Variants in PCM1 observed in about 807,000 individuals in gnomAD.
The protein encoded by PCM1 is pericentriolar material 1, also known as pericentriolar material 1 protein.
Under a neutral mutation model 241.9 loss-of-function variants are expected in PCM1, and 157 were observed. That is an observed-to-expected ratio of 0.65 (90% CI 0.57 to 0.74). The LOEUF (loss-of-function observed/expected upper bound fraction) is 0.74, where lower values mean the gene tolerates loss of function less well. Ranked by LOEUF, PCM1 falls within the 30% of genes least tolerant of loss-of-function variation. The pLI is 0.00. For missense variants in PCM1, 3,478 were observed against 2,360.1 expected (o/e 1.47, Z -9.81); for synonymous variants, 1,085 against 784.9 (o/e 1.38, Z -6.39).
rs71545503 is a variant in PCM1 at position 17,992,610 on chromosome 8, CT to C, written c.4691-853del. On this transcript the variant is annotated intron_variant, in intron 28 of 38. Transcript: ENST00000325083. ...CTATATCCTTAGCCTACTACTACTA[CT>C]TTTTTTTTTTTTTTTTTTTAATTTG... 8.4e-3 allele frequency among the ~76,000 whole-genome samples: 1,082 copies of C among 128,438 alleles called. 11 individuals are homozygous for C. Among genetic ancestry groups the C allele is most frequent in the African/African-American group, 0.022 (766 of 34,692 alleles). 84.3% of individuals were successfully genotyped at this position (128,438 alleles called of 152,430 possible).
Position 17,998,696 on chromosome 8 carries a change from G to A in PCM1, c.4827+5077G>A, listed in dbSNP as rs563032227. Among the ~76,000 whole-genome samples, 104 of 152,226 alleles carry A rather than the reference G, an allele frequency of 6.8e-4. 1 individual carries two copies. Among genetic ancestry groups the A allele is most frequent in the African/African-American group, 2.4e-3 (99 of 41,530 alleles). On this transcript the variant is annotated intron_variant, in intron 29 of 38. Coordinates refer to ENST00000325083, the MANE Select transcript of PCM1 (RefSeq NM_006197.4). ...CTACCGCCTAAATTTGCCTAAATTC[G>A]CTCAAGGCCCTAGGGTTCCTACTAT...
Position 18,019,594 on chromosome 8 carries a change from C to T in PCM1, c.5841+4754C>T, listed in dbSNP as rs116742541. ...GACACAGCATCAGGCATTAGAGTCT[C>T]ATAAGGAGCACGCAACCTAGATCTC... On this transcript the variant is annotated intron_variant, in intron 36 of 38. Transcript: ENST00000325083. Among the ~76,000 whole-genome samples the T allele has an allele frequency of 8.3e-3, 1,270 of 152,262 alleles. 11 individuals carry two copies. The highest frequency in any genetic ancestry group is 0.029 in the African/African-American group (1,210 of 41,556).
Position 18,013,957 on chromosome 8 carries a change from C to A in PCM1, c.5512-7C>A. The stretch of plus-strand genomic sequence containing the variant: ...GGCCCTGCTATTAAAACATTTTTCC[C>A]TTCTAGGTCCTACAACGTGACTTTA... On this transcript the variant is annotated splice_polypyrimidine_tract_variant and splice_region_variant and intron_variant, in intron 34 of 38. Transcript: ENST00000325083. 1 of 1,580,776 alleles carries A rather than the reference C, an allele frequency of 6.3e-7. No homozygotes were observed. Among genetic ancestry groups the A allele is most frequent in the Admixed American group, 1.8e-5 (1 of 56,924 alleles).
intron 29 of PCM1, among the ~76,000 whole-genome samples, chr8:17,996,493 T>G (rs544189219): frequency 6.6e-6 from 1 of 152,322 alleles, no homozygotes; most frequent in East Asian, 1.9e-4. Context: ...TTGTCTTTTT[T>G]TCTTAGTCTG....
chr8:18,013,649 C>T (rs994735949), intron 34 of PCM1, among the ~76,000 whole-genome samples: 9 of 152,128 alleles, frequency 5.9e-5, no homozygotes, highest in African/African-American at 1.9e-4. Context: ...ATCTTCCTCT[C>T]GTCACTTCCT....
chr8:17,964,523 A>G (rs749508463), intron 17 of PCM1, 45 bp from the exon 18 acceptor site: 50 of 1,467,358 alleles, frequency 3.4e-5, no homozygotes, highest in Non-Finnish European at 8.5e-6. Context: ...AGAGTATTTA[A>G]CTTATCTCCA....
chr8:17,945,001 T>C (rs962169021), intron 6 of PCM1, among the ~76,000 whole-genome samples: 16 of 152,258 alleles, frequency 1.1e-4, no homozygotes, highest in African/African-American at 3.6e-4. Flanking sequence ...TTTCTCCTAA[T>C]TATAATTTAT....
In PCM1 at chr8:18,028,317, A is replaced by G. The variant is rs1180767764; in HGVS notation, c.*655A>G. Reference sequence around the variant, plus strand: ...CTCAGTATCTAGAACTTACATCATTATCATCTGTTTGTTAGGATTTGAAAT... The same window carrying G: ...CTCAGTATCTAGAACTTACATCATTGTCATCTGTTTGTTAGGATTTGAAAT... On this transcript the variant is annotated 3_prime_UTR_variant, in exon 39 of 39. Coordinates refer to ENST00000325083, the MANE Select transcript of PCM1 (RefSeq NM_006197.4). 1 of 11,418 alleles carries G rather than the reference A, an allele frequency of 8.8e-5. No homozygotes were observed. Among genetic ancestry groups the G allele is most frequent in the Non-Finnish European group, 2.4e-4 (1 of 4,098 alleles). 0.7% of individuals were successfully genotyped at this position (11,418 alleles called of 1,614,324 possible).
intron 2 of PCM1, among the ~76,000 whole-genome samples, chr8:17,930,688 C>T (rs2058723976): frequency 6.6e-6 from 1 of 151,846 alleles, no homozygotes; most frequent in Admixed American, 6.5e-5. Flanking sequence ...ACCATCCTGG[C>T]TAACATGGTG....
intron 5 of PCM1, among the ~76,000 whole-genome samples, 188 bp downstream of exon 5, chr8:17,939,197 T>C (rs919134167): frequency 6.6e-6 from 1 of 152,206 alleles, no homozygotes; most frequent in African/African-American, 2.4e-5. Flanking sequence ...CAAAAATATT[T>C]TAGAAATGGC....
At position 17,957,712 on chromosome 8, in the gene PCM1, C is replaced by T. The variant is rs771193898; in HGVS notation, c.1977C>T (p.Ile659=). Residue 659 remains isoleucine, a synonymous_variant, in exon 13 of 39, where the codon ATC becomes ATT. Coordinates refer to ENST00000325083, the MANE Select transcript of PCM1 (RefSeq NM_006197.4). ...AAGATGCTGAATTTGAACAGAAGATCAACCGACTTATGGCTGCAAAACAGA... is the reference window on the plus strand; with the variant it reads ...AAGATGCTGAATTTGAACAGAAGATTAACCGACTTATGGCTGCAAAACAGA... The part of the protein sequence containing the change: ...HPEDAEFEQK[I]NRLMAAKQKL... The T allele has an allele frequency of 1.9e-6, 3 of 1,613,304 alleles. No individual in the cohort carries two copies. The highest frequency in any genetic ancestry group is 2.7e-5 in the African/African-American group (2 of 74,896).
chr8:18,009,478 TTAAAAG>T, intron 30 of PCM1, 63 bp from the exon 31 acceptor site: 2 of 1,017,774 alleles, frequency 2.0e-6, no homozygotes, highest in Non-Finnish European at 2.9e-6. Flanking sequence ...TTTTCAGTAC[TTAAAAG>T]TAATAGTATT....
chr8:17,971,986 C>A (rs150219416), intron 22 of PCM1, among the ~76,000 whole-genome samples: 5 of 152,278 alleles, frequency 3.3e-5, no homozygotes, highest in African/African-American at 4.8e-5. Context: ...CTCAAGCATT[C>A]CTCCTGCCTC....
intron 1 of PCM1, among the ~76,000 whole-genome samples, chr8:17,924,040 G>C (rs1310186441): frequency 6.6e-6 from 1 of 151,626 alleles, no homozygotes; most frequent in East Asian, 1.9e-4. Context: ...TGTATTGTGT[G>C]TCTTACGGGT....
At position 17,969,629 on chromosome 8, in the gene PCM1, T is replaced by G; in HGVS notation, c.3465T>G (p.Asn1155Lys). ...CTAATTTTGGAGATTTTTCTCAGAA[T>G]ATCTCTACACCCAGTGAACAGCAGC... ...FPSNFGDFSQ[N>K]ISTPSEQQQP... The change falls in exon 22 of 39, where the codon AAT (asparagine) becomes AAG (lysine). Residue 1155 changes from asparagine to lysine, a missense_variant. Coordinates refer to ENST00000325083, the MANE Select transcript of PCM1 (RefSeq NM_006197.4). 6.2e-7 allele frequency: 1 copy of G among 1,611,792 alleles called. No individual in the cohort carries two copies. The highest frequency in any genetic ancestry group is 8.5e-7 in the Non-Finnish European group (1 of 1,178,752).
intron 17 of PCM1, among the ~76,000 whole-genome samples, chr8:17,963,883 G>C (rs1055712436): frequency 1.3e-5 from 2 of 152,068 alleles, no homozygotes; most frequent in Non-Finnish European, 2.9e-5. Flanking sequence ...TGGAATTTCT[G>C]GAGTTTTGCA....
In PCM1 at chr8:17,960,561, G is replaced by T. The variant is rs543284209; in HGVS notation, c.2322+117G>T. ...TTTTTTTGAGGCAGAGTCTCACTCT[G>T]TTGCCCAGGCTGAAGTGCAGTGGCG... is the stretch of plus-strand genomic sequence containing the variant. On this transcript the variant is annotated intron_variant, in intron 15 of 38. Transcript: ENST00000325083. 5.6e-6 allele frequency: 3 copies of T among 538,838 alleles called. No homozygotes were observed. The African/African-American group carries it at 8.1e-5, about 15-fold the overall frequency. The allele number at this position is 538,838 out of a possible 1,614,324, so 33.4% of individuals were successfully genotyped here.
At chr8:17,999,343 G>T (rs143629494) in intron 29 of PCM1, among the ~76,000 whole-genome samples, 72 of 152,142 alleles carry the variant, frequency 4.7e-4, no homozygotes, top group African/African-American at 1.7e-3. Context: ...AAGGTTCAAG[G>T]GCTCTTTAGT....
intron 6 of PCM1, among the ~76,000 whole-genome samples, chr8:17,940,887 T>C (rs1322410228): frequency 6.6e-6 from 1 of 152,216 alleles, no homozygotes. Flanking sequence ...TTAACACCTA[T>C]TACAGGCTAG....
Sources: gnomAD v4.1 joint callset for allele counts (sites outside exome capture counted in the v4.1 genomes callset) on GRCh38, gnomAD v4.1.1 for gene constraint, MANE v1.5 for transcripts, NCBI Gene and HGNC (gene_info 2026-07-23, HGNC 2026-07-21) for gene names.